Variants in ADAMTS2 observed in about 807,000 individuals in gnomAD.
The protein encoded by ADAMTS2 is ADAM metallopeptidase with thrombospondin type 1 motif 2.
In ADAMTS2, 50 loss-of-function variants were observed where a neutral mutation model predicts 123.0. The ratio of observed to expected loss-of-function variants is 0.41; its 90% confidence interval spans 0.32 to 0.51. The LOEUF (loss-of-function observed/expected upper bound fraction) is 0.51, where lower values mean the gene tolerates loss of function less well. Among genes scored for constraint, ADAMTS2 ranks in the 20% least tolerant of loss-of-function variants. The pLI, the probability that ADAMTS2 is intolerant of heterozygous loss-of-function variation, is 0.35. For missense variants in ADAMTS2, 1,494 were observed against 1,705.2 expected, an observed-to-expected ratio of 0.88 and a Z score of 2.18; for synonymous variants, 678 against 695.4, an observed-to-expected ratio of 0.98 and a Z score of 0.39.
intron 5 of ADAMTS2, among the ~76,000 whole-genome samples, chr5:179,179,680 T>G (rs1381902908): frequency 6.6e-6 from 1 of 152,194 alleles, no homozygotes; most frequent in African/African-American, 2.4e-5. Context: ...CACGAAGGCC[T>G]GCAACTGGCA....
At chr5:179,195,618 C>T (rs931708657) in intron 4 of ADAMTS2, among the ~76,000 whole-genome samples, 3 of 152,250 alleles carry the variant, frequency 2.0e-5, no homozygotes, top group African/African-American at 7.2e-5. Context: ...CCTCTCCGGT[C>T]GCCCGAGTCC....
chr5:179,151,639 G>A (rs1650476409), intron 10 of ADAMTS2, among the ~76,000 whole-genome samples: 1 of 152,170 alleles, frequency 6.6e-6, no homozygotes, highest in African/African-American at 2.4e-5. Flanking sequence ...AGTTCTGGGA[G>A]GACAACAGGG....
At chr5:179,144,777 T>C (rs924089950) in intron 10 of ADAMTS2, among the ~76,000 whole-genome samples, 2 of 152,356 alleles carry the variant, frequency 1.3e-5, no homozygotes, top group African/African-American at 4.8e-5. Context: ...ATGTAAGAGC[T>C]GAAACTCTGA....
rs1017902507 is a variant in ADAMTS2 at position 179,112,019 on chromosome 5, G to A, written c.*1848C>T. On this transcript the variant is annotated 3_prime_UTR_variant, in exon 22 of 22. Coordinates refer to ENST00000251582, the MANE Select transcript of ADAMTS2 (RefSeq NM_014244.5). ...AGGGCGGGAGGCTAGCCATCACCCAGGTGGAGACTGAAGCATCAGCCCAGA... is the reference window on the plus strand; with the variant it reads ...AGGGCGGGAGGCTAGCCATCACCCAAGTGGAGACTGAAGCATCAGCCCAGA... 9 of 152,316 alleles carry A rather than the reference G, an allele frequency of 5.9e-5. No homozygotes were observed. The highest frequency in any genetic ancestry group is 5.9e-4 in the Admixed American group (9 of 15,290). 9.4% of individuals were successfully genotyped at this position (152,316 alleles called of 1,614,324 possible). A position where few individuals can be genotyped will look rare whatever the true frequency, so the allele number is the denominator to read the frequency against.
intron 2 of ADAMTS2, among the ~76,000 whole-genome samples, chr5:179,288,959 GCAGTGCCAAGCCCGGGATCT>G (rs1470018215): frequency 6.6e-6 from 1 of 152,242 alleles, no homozygotes; most frequent in Non-Finnish European, 1.5e-5. Context: ...CCGCCCTCCG[GCAGTGCCAAGCCCGGGATCT>G]CAGGGCCCCC....
chr5:179,229,808 G>C (rs191603096), intron 3 of ADAMTS2, among the ~76,000 whole-genome samples: 1 of 152,282 alleles, frequency 6.6e-6, no homozygotes, highest in Admixed American at 6.5e-5. Context: ...GTACCTTATG[G>C]GAAATCGTAA....
chr5:179,116,361 T>C (rs966516953), intron 21 of ADAMTS2, among the ~76,000 whole-genome samples: 1 of 149,828 alleles, frequency 6.7e-6, no homozygotes, highest in African/African-American at 2.4e-5. Context: ...GGAACTCCTT[T>C]TGGCCACAGG....
chr5:179,138,025 G>C, intron 11 of ADAMTS2, 81 bp from the exon 12 acceptor site: 1 of 1,471,526 alleles, frequency 6.8e-7, no homozygotes, highest in Non-Finnish European at 9.2e-7. Flanking sequence ...GATCTTTTTA[G>C]GGGGGATCCC....
rs189621254 is a variant in ADAMTS2 at position 179,216,842 on chromosome 5, C to T, written c.689-9127G>A. 7.0e-4 allele frequency among the ~76,000 whole-genome samples: 106 copies of T among 152,326 alleles called. 1 individual carries two copies. The highest frequency in any genetic ancestry group is 2.5e-3 in the African/African-American group (103 of 41,580). Reference sequence around the variant, plus strand: ...ATTAGTAAATGATACAGGTAGCAAACGGTGCTAGGAAACGGCGGAGGTGGA... The same window carrying T: ...ATTAGTAAATGATACAGGTAGCAAATGGTGCTAGGAAACGGCGGAGGTGGA... On this transcript the variant is annotated intron_variant, in intron 3 of 21. Transcript: ENST00000251582.
At chr5:179,240,847 G>A (rs986593545) in intron 3 of ADAMTS2, among the ~76,000 whole-genome samples, 38 of 152,314 alleles carry the variant, frequency 2.5e-4, no homozygotes, top group African/African-American at 7.5e-4. Context: ...CAGATTCAGA[G>A]CTTGAGCCCA....
chr5:179,196,295 G>A lies in ADAMTS2; in HGVS notation c.891+11218C>T, dbSNP rs112736897. The stretch of plus-strand genomic sequence containing the variant: ...AACATACTGTACAGAGAATGTTCTC[G>A]TGCTGGGAGGGGTCAAAGGTTATAG... On this transcript the variant is annotated intron_variant, in intron 4 of 21. Transcript: ENST00000251582. 2.7e-4 allele frequency among the ~76,000 whole-genome samples: 41 copies of A among 152,306 alleles called. No homozygotes were observed. The East Asian group carries it at 3.5e-3, about 13-fold the overall frequency.
intron 13 of ADAMTS2, among the ~76,000 whole-genome samples, chr5:179,134,201 CTA>C (rs1581144091): frequency 6.6e-6 from 1 of 152,204 alleles, no homozygotes; most frequent in Admixed American, 6.5e-5. Context: ...TCAAAACGTC[CTA>C]TGTCTTGATA....
Position 179,329,835 on chromosome 5 carries a change from A to G in ADAMTS2, c.534+13932T>C, listed in dbSNP as rs1228962364. On this transcript the variant is annotated intron_variant, in intron 2 of 21. Transcript: ENST00000251582. ...GCCGTAACCACCAGCCATTAAAGAA[A>G]CAAGTTTCAGGCCGGGCGTGGTGGC... 2.0e-4 allele frequency among the ~76,000 whole-genome samples: 31 copies of G among 152,364 alleles called. 1 individual carries two copies. The highest frequency in any genetic ancestry group is 4.1e-4 in the South Asian group (2 of 4,822).
chr5:179,323,611 TG>T (rs1757241451), intron 2 of ADAMTS2, among the ~76,000 whole-genome samples: 1 of 152,246 alleles, frequency 6.6e-6, no homozygotes, highest in South Asian at 2.1e-4. Flanking sequence ...AACTGGGAAC[TG>T]AAAGCTGCCA....
In ADAMTS2 at chr5:179,308,886, C is replaced by T. The variant is rs371062984; in HGVS notation, c.534+34881G>A. Among the ~76,000 whole-genome samples the T allele has an allele frequency of 2.0e-5, 3 of 152,314 alleles. No individual in the cohort carries two copies. The East Asian group carries it at 5.8e-4, about 29-fold the overall frequency. On this transcript the variant is annotated intron_variant, in intron 2 of 21. Transcript: ENST00000251582. This position sits in a 1 kb window ranked among gnomAD's most constrained non-coding sequence, Gnocchi z 6.6. ...AAGCCCTCGGGGTACTGTTCCCTGCCTTTAGCATCCCCCTCAGCTGCCCAT... is the reference window on the plus strand; with the variant it reads ...AAGCCCTCGGGGTACTGTTCCCTGCTTTTAGCATCCCCCTCAGCTGCCCAT...
intron 9 of ADAMTS2, 132 bp from the exon 10 acceptor site, chr5:179,152,387 G>T: frequency 1.2e-6 from 1 of 867,880 alleles, no homozygotes; most frequent in Admixed American, 2.0e-5. Flanking sequence ...TGAGGCTGGT[G>T]GGTGTTGTGA....
chr5:179,265,089 C>G (rs34097336), intron 3 of ADAMTS2, among the ~76,000 whole-genome samples: 45,593 of 147,200 alleles, frequency 0.31, 7,327 homozygotes, highest in East Asian at 0.58. Flanking sequence ...CACTCACCCA[C>G]CTAGTGCTGG....
chr5:179,132,359 C>T lies in ADAMTS2; in HGVS notation c.2210-49G>A, dbSNP rs779295166. The stretch of plus-strand genomic sequence containing the variant: ...AGAAAACTGAGAAGGGAAGGCGCCG[C>T]TCAAATTCGCACCATGCAAGGAGGG... On this transcript the variant is annotated intron_variant, in intron 14 of 21. Transcript: ENST00000251582. The surrounding 1 kb of genome is among the most constrained non-coding windows in gnomAD (Gnocchi z 6.1). 1 of 1,567,386 alleles carries T rather than the reference C, an allele frequency of 6.4e-7. No individual in the cohort carries two copies. Among genetic ancestry groups the T allele is most frequent in the South Asian group, 1.1e-5 (1 of 89,622 alleles).
chr5:179,296,900 C>T (rs1398354611), intron 2 of ADAMTS2, among the ~76,000 whole-genome samples: 1 of 152,184 alleles, frequency 6.6e-6, no homozygotes, highest in Non-Finnish European at 1.5e-5. Flanking sequence ...ATGGAACAAA[C>T]AAGGCATGCC....
Sources: gnomAD v4.1 joint callset for allele counts (sites outside exome capture counted in the v4.1 genomes callset) on GRCh38, gnomAD v4.1.1 for gene constraint, Gnocchi (gnomAD v3.1) non-coding constraint, MANE v1.5 for transcripts, NCBI Gene and HGNC (gene_info 2026-07-23, HGNC 2026-07-21) for gene names.